The following VRK2 variants were observed in gnomAD, a reference collection of about 807,000 sequenced individuals.
VRK2 encodes the protein serine/threonine-protein kinase VRK2.
In VRK2, 60 loss-of-function variants were observed where a neutral mutation model predicts 57.6. The ratio of observed to expected loss-of-function variants is 1.04; its 90% CI spans 0.85 to 1.29. The LOEUF (loss-of-function observed/expected upper bound fraction) is 1.29, where lower values mean the gene tolerates loss of function less well. VRK2 is among the 50% of genes most tolerant of loss of function. VRK2 has a pLI of 0.00. For missense variants in VRK2, 705 were observed against 588.1 expected (o/e 1.20, Z -2.06); for synonymous variants, 231 against 199.2 (o/e 1.16, Z -1.35).
At chr2:58,067,161 C>T (rs993972381) in intron 2 of VRK2, among the ~76,000 whole-genome samples, 1 of 152,200 alleles carries the variant, frequency 6.6e-6, no homozygotes, top group Non-Finnish European at 1.5e-5. Context: ...CCTGGACTCA[C>T]ACCAGTGGTT....
chr2:58,050,049 AT>A (rs1480769402), intron 2 of VRK2, among the ~76,000 whole-genome samples: 1 of 152,228 alleles, frequency 6.6e-6, no homozygotes, highest in Non-Finnish European at 1.5e-5. Flanking sequence ...AAAAAATACT[AT>A]GGTTATTAAG....
At chr2:58,127,099 T>G (rs1219833649) in intron 8 of VRK2, among the ~76,000 whole-genome samples, 1 of 152,090 alleles carries the variant, frequency 6.6e-6, no homozygotes, top group Non-Finnish European at 1.5e-5. Flanking sequence ...AAATGTCCAT[T>G]TATCTAATAT....
In VRK2 at chr2:58,050,443, G is replaced by A. The variant is rs184718817; in HGVS notation, c.136+1476G>A. ...ATTCTCTTTTACAGCAAAGAGTTAA[G>A]ATCTCTAGTATACTGTCTTGACTCA... On this transcript the variant is annotated intron_variant, in intron 2 of 12. Transcript: ENST00000340157. Among the ~76,000 whole-genome samples, 10 of 152,260 alleles carry A rather than the reference G, an allele frequency of 6.6e-5. No individual in the cohort carries two copies. The East Asian group carries it at 1.9e-3, about 29-fold the overall frequency.
chr2:58,135,346 C>T (rs1679861026), intron 10 of VRK2, 147 bp downstream of exon 10: 1 of 737,696 alleles, frequency 1.4e-6, no homozygotes, highest in South Asian at 1.9e-5. Flanking sequence ...AAATAAGTTG[C>T]TAAAGAACAC....
intron 1 of VRK2, among the ~76,000 whole-genome samples, chr2:57,914,089 C>A (rs1230192677): frequency 3.3e-5 from 5 of 151,966 alleles, no homozygotes; most frequent in Non-Finnish European, 5.9e-5. Context: ...TGTTTTGAAA[C>A]TTCAAGAATA....
chr2:58,005,017 A>T (rs1673200463), intron 1 of VRK2, among the ~76,000 whole-genome samples: 1 of 152,182 alleles, frequency 6.6e-6, no homozygotes, highest in Non-Finnish European at 1.5e-5. Context: ...CTAATTTCAC[A>T]CTTGAAAGGC....
At chr2:58,083,712 A>C (rs977195333) in intron 2 of VRK2, among the ~76,000 whole-genome samples, 3 of 151,972 alleles carry the variant, frequency 2.0e-5, no homozygotes, top group South Asian at 2.1e-4. Context: ...TGTGTATTAT[A>C]TATTGGCTTT....
At chr2:58,154,336 C>A (rs1244239401) in intron 12 of VRK2, among the ~76,000 whole-genome samples, 2 of 148,402 alleles carry the variant, frequency 1.3e-5, no homozygotes, top group African/African-American at 5.0e-5. Context: ...TTTTTTAATT[C>A]TTTTTTTGAC....
intron 2 of VRK2, among the ~76,000 whole-genome samples, chr2:58,065,016 C>T (rs1489952075): frequency 6.6e-6 from 1 of 151,974 alleles, no homozygotes; most frequent in Admixed American, 6.6e-5. Flanking sequence ...CCCTTGAAGC[C>T]TACTGCTTTT....
chr2:58,081,857 C>CGTGTGTGTGT (rs369430200), intron 2 of VRK2, among the ~76,000 whole-genome samples: 141 of 142,206 alleles, frequency 9.9e-4, no homozygotes, highest in African/African-American at 1.8e-3. Flanking sequence ...ATACCATGTC[C>CGTGTGTGTGT]GTGTGTGTGT....
At chr2:57,936,221 T>C (rs1332233086) in intron 1 of VRK2, among the ~76,000 whole-genome samples, 1 of 152,236 alleles carries the variant, frequency 6.6e-6, no homozygotes, top group Non-Finnish European at 1.5e-5. Context: ...ACTGTCCAGC[T>C]TACTTGCAAT....
intron 1 of VRK2, among the ~76,000 whole-genome samples, chr2:57,998,185 C>T (rs912935076): frequency 3.9e-5 from 6 of 151,966 alleles, no homozygotes; most frequent in East Asian, 1.9e-4. Flanking sequence ...GCCTTTCTGC[C>T]CTGTTTTAAT....
intron 1 of VRK2, among the ~76,000 whole-genome samples, chr2:57,950,266 A>T (rs1281389456): frequency 1.3e-5 from 2 of 152,250 alleles, no homozygotes; most frequent in East Asian, 3.8e-4. Context: ...AGCTAAAGAG[A>T]AGAGGTCAAC....
intron 2 of VRK2, among the ~76,000 whole-genome samples, chr2:58,076,761 A>G (rs1670174851): frequency 6.6e-6 from 1 of 151,872 alleles, no homozygotes; most frequent in Non-Finnish European, 1.5e-5. Flanking sequence ...CAGTACTCGC[A>G]CAATTTTGTA....
intron 1 of VRK2, among the ~76,000 whole-genome samples, chr2:57,926,439 A>ATGTGTG (rs142768773): frequency 6.1e-4 from 89 of 145,698 alleles, no homozygotes; most frequent in Non-Finnish European, 5.4e-4. Context: ...ACATATATAT[A>ATGTGTG]TGTGTGTGTG....
intron 2 of VRK2, among the ~76,000 whole-genome samples, chr2:58,071,241 CTGTGA>C (rs1669323627): frequency 6.6e-6 from 1 of 151,952 alleles, no homozygotes; most frequent in Non-Finnish European, 1.5e-5. Context: ...TCCTCCCAGA[CTGTGA>C]TTTATCTTAT....
At chr2:58,109,864 A>T (rs974112604) in intron 7 of VRK2, among the ~76,000 whole-genome samples, 3 of 151,650 alleles carry the variant, frequency 2.0e-5, no homozygotes, top group African/African-American at 7.3e-5. Context: ...TCTGTATGTA[A>T]ATATATATAT....
At chr2:58,133,270 TA>T (rs1679485074) in intron 9 of VRK2, among the ~76,000 whole-genome samples, 1 of 152,154 alleles carries the variant, frequency 6.6e-6, no homozygotes. Context: ...TTTACATGTA[TA>T]ATGCTAATAA....
At chr2:58,150,176 ATG>A (rs1440217264) in intron 12 of VRK2, among the ~76,000 whole-genome samples, 1 of 151,362 alleles carries the variant, frequency 6.6e-6, no homozygotes, top group Non-Finnish European at 1.5e-5. Flanking sequence ...TTTTCAGAAA[ATG>A]TTTTTGTAAG....
Sources: allele counts gnomAD v4.1 joint callset (sites outside exome capture counted in the v4.1 genomes callset), GRCh38; gene constraint gnomAD v4.1.1; transcripts MANE v1.5; gene names NCBI Gene and HGNC (gene_info 2026-07-23, HGNC 2026-07-21).